FAM217B: variants seen among roughly 807,000 people sequenced by gnomAD.
FAM217B encodes family with sequence similarity 217 member B.
For synonymous variants in FAM217B, 163 were observed against 173.0 expected (o/e 0.94, Z 0.45); for missense variants, 463 against 456.9 (o/e 1.01, Z -0.12).
chr20:59,940,981 G>C (rs1249367509), intron 1 of FAM217B, among the ~76,000 whole-genome samples: 2 of 152,202 alleles, frequency 1.3e-5, no homozygotes, highest in Non-Finnish European at 2.9e-5. Flanking sequence ...ATCAGCCTCT[G>C]GCGCTTGGGG....
At chr20:59,941,041 G>C (rs1198276883) in intron 1 of FAM217B, among the ~76,000 whole-genome samples, 1 of 152,202 alleles carries the variant, frequency 6.6e-6, no homozygotes, top group Admixed American at 6.5e-5. Flanking sequence ...TTCCAAGCAA[G>C]CCAGAAACAC....
At chr20:59,938,959 G>T, upstream of FAM217B, 1 of 1,389,812 alleles carries the variant, frequency 7.2e-7, no homozygotes. Flanking sequence ...AGATAGATGT[G>T]AGAGCCCAGC....
intron 1 of FAM217B, among the ~76,000 whole-genome samples, chr20:59,934,820 C>T (rs1289469538): frequency 6.6e-6 from 1 of 152,072 alleles, no homozygotes; most frequent in East Asian, 1.9e-4. Flanking sequence ...AAAATAAACA[C>T]AAGGTAATAG....
rs749209846 is a variant in FAM217B at position 59,944,447 on chromosome 20, G to A, written c.504G>A (p.Thr168=). 3.7e-6 allele frequency: 6 copies of A among 1,613,840 alleles called. No homozygotes were observed. Among genetic ancestry groups the A allele is most frequent in the East Asian group, 4.5e-5 (2 of 44,858 alleles). The stretch of plus-strand genomic sequence containing the variant: ...TGCTTCTGAACGCAGAGAACAAAAC[G>A]GAAGCCGTGCCCCGAGTGGGAGGAC... ...MALLLNAENK[T]EAVPRVGGLL... Residue 168 remains threonine, a synonymous_variant, in exon 4 of 4, where the codon ACG becomes ACA. Coordinates refer to ENST00000360816, the MANE Select transcript of FAM217B (RefSeq NM_022106.3).
rs1197543600 is a variant in FAM217B at position 59,944,178 on chromosome 20, T to C, written c.235T>C (p.Phe79Leu). 6.2e-6 allele frequency: 10 copies of C among 1,614,006 alleles called. No individual in the cohort carries two copies. Among genetic ancestry groups the C allele is most frequent in the Non-Finnish European group, 8.5e-6 (10 of 1,180,038 alleles). Residue 79 changes from phenylalanine (F) to leucine (L), a missense_variant, in exon 4 of 4, where the codon TTT becomes CTT. Physicochemically the swap from Phe to Leu is conservative, Grantham distance 22. Transcript: ENST00000360816. ...GASGNKLFLD[F>L]QSMKIIKENA... ...CTCAGGGAATAAACTGTTTCTTGAT[T>C]TTCAGTCAATGAAAATTATTAAAGA... is the stretch of plus-strand genomic sequence containing the variant.
Position 59,944,006 on chromosome 20 carries a change from GAGTAAATCCCA to G in FAM217B, c.68_78del (p.Lys23ThrfsTer19). ...CAAAGAATTCTTCAGGAAAAAGGCAGAGTAAATCCCAAGTACCCCACGCTTCTTCCCAGCCG... is the reference window on the plus strand; with the variant it reads ...CAAAGAATTCTTCAGGAAAAAGGCAGAGTACCCCACGCTTCTTCCCAGCCG... On this transcript the variant is annotated frameshift_variant, in exon 4 of 4. Coordinates refer to ENST00000360816, the MANE Select transcript of FAM217B (RefSeq NM_022106.3). LOFTEE classifies it low-confidence loss of function (END_TRUNC). 1 of 1,613,870 alleles carries G rather than the reference GAGTAAATCCCA, an allele frequency of 6.2e-7. No homozygotes were observed. The highest frequency in any genetic ancestry group is 8.5e-7 in the Non-Finnish European group (1 of 1,179,948).
intron 1 of FAM217B, among the ~76,000 whole-genome samples, chr20:59,934,044 C>T (rs1404134984): frequency 6.6e-6 from 1 of 152,094 alleles, no homozygotes; most frequent in Admixed American, 6.5e-5. Context: ...AGGAGAAGCC[C>T]ATCCCCGCGC....
chr20:59,935,418 ATT>A (rs201856421), upstream of FAM217B, among the ~76,000 whole-genome samples: 1 of 152,082 alleles, frequency 6.6e-6, no homozygotes, highest in African/African-American at 2.4e-5. Flanking sequence ...TTTACTGTTA[ATT>A]TTTTTTAAAG....
chr20:59,944,936 G>A lies in FAM217B; in HGVS notation c.993G>A (p.Val331=). 1 of 1,614,206 alleles carries A rather than the reference G, an allele frequency of 6.2e-7. No individual in the cohort carries two copies. The highest frequency in any genetic ancestry group is 8.5e-7 in the Non-Finnish European group (1 of 1,180,044). The change falls in exon 4 of 4, where the codon GTG becomes GTA. Residue 331 remains valine (V), a synonymous_variant. Coordinates refer to ENST00000360816, the MANE Select transcript of FAM217B (RefSeq NM_022106.3). ...TTCGAGTTCCCAAACAGGCAGCTGT[G>A]ATTCTGGACTCAGCAGATTCCTGTA... is the stretch of plus-strand genomic sequence containing the variant. ...GHIRVPKQAA[V]ILDSADSCKA...
At chr20:59,935,181 C>T (rs1156794312) in intron 1 of FAM217B, among the ~76,000 whole-genome samples, 7 of 152,162 alleles carry the variant, frequency 4.6e-5, no homozygotes. Context: ...ATTTTCATAC[C>T]TAGTTTTCCG....
upstream of FAM217B, chr20:59,936,560 C>T (rs887243702): frequency 3.9e-5 from 6 of 152,202 alleles, no homozygotes; most frequent in African/African-American, 1.4e-4. Context: ...TGATCACATT[C>T]CCTGTATTCC....
upstream of FAM217B, chr20:59,940,239 A>T (rs866772292): frequency 4.9e-4 from 123 of 251,416 alleles, no homozygotes; most frequent in African/African-American, 2.7e-3. Context: ...GGAGGTTCTT[A>T]CAAGAAGGCT....
At chr20:59,940,195 C>T, upstream of FAM217B, 1 of 358,512 alleles carries the variant, frequency 2.8e-6, no homozygotes, top group Non-Finnish European at 5.2e-6. Context: ...CCCGGGAGCG[C>T]AGGGTAGCGC....
rs2060896821 is a variant in FAM217B at position 59,940,496 on chromosome 20, C to T, written c.-242C>T. 6.6e-6 allele frequency: 1 copy of T among 152,252 alleles called. No homozygotes were observed. Among genetic ancestry groups the T allele is most frequent in the Admixed American group, 6.5e-5 (1 of 15,286 alleles). 9.4% of individuals were successfully genotyped at this position (152,252 alleles called of 1,614,324 possible). On this transcript the variant is annotated 5_prime_UTR_variant, in exon 1 of 4. Coordinates refer to ENST00000360816, the MANE Select transcript of FAM217B (RefSeq NM_022106.3). ...CGCGGGCGCCGGAGAGGAAGGAAGG[C>T]TGGCAGCCTCGTCACGTGTCCGCTG...
At chr20:59,936,088 A>G (rs958666277), upstream of FAM217B, among the ~76,000 whole-genome samples, 1 of 152,248 alleles carries the variant, frequency 6.6e-6, no homozygotes, top group Non-Finnish European at 1.5e-5. Context: ...TATATAGTAC[A>G]GTCTATTGCT....
rs1287895686 is a variant in FAM217B, at chr20:59,944,455, T to C, written c.512T>C (p.Val171Ala). Residue 171 changes from valine to alanine, a missense_variant, in exon 4 of 4, where the codon GTG becomes GCG. Transcript: ENST00000360816. ...AACGCAGAGAACAAAACGGAAGCCG[T>C]GCCCCGAGTGGGAGGACTTCTTGGG... Reference protein sequence around the residue: ...LLNAENKTEAVPRVGGLLGKY... With the variant: ...LLNAENKTEAAPRVGGLLGKY... 6.2e-7 allele frequency: 1 copy of C among 1,613,744 alleles called. No homozygotes were observed. Among genetic ancestry groups the C allele is most frequent in the South Asian group, 1.1e-5 (1 of 91,056 alleles).
upstream of FAM217B, chr20:59,939,386 G>A (rs2060883762): frequency 3.1e-6 from 5 of 1,610,592 alleles, no homozygotes; most frequent in Admixed American, 3.3e-5. Context: ...CCGAGCAAGT[G>A]ACACGCTCCA....
Position 59,944,878 on chromosome 20 carries a change from G to A in FAM217B, c.935G>A (p.Gly312Glu). 6.2e-7 allele frequency: 1 copy of A among 1,614,192 alleles called. No homozygotes were observed. The highest frequency in any genetic ancestry group is 8.5e-7 in the Non-Finnish European group (1 of 1,180,038). Reference sequence around the variant, plus strand: ...CAGCGCTGGGATCTGTCCGGCAGTGGAAGCAGCTCTAAGGTGGAAACCAGC... The same window carrying A: ...CAGCGCTGGGATCTGTCCGGCAGTGAAAGCAGCTCTAAGGTGGAAACCAGC... ...KLQRWDLSGS[G>E]SSSKVETSGH... is the part of the protein sequence containing the mutation. The change falls in exon 4 of 4, where the codon GGA becomes GAA. Residue 312 changes from glycine to glutamate, a missense_variant. By Grantham distance (98) the Gly-to-Glu change is moderately conservative. Coordinates refer to ENST00000360816, the MANE Select transcript of FAM217B (RefSeq NM_022106.3).
At chr20:59,939,331 C>T (rs766226789), upstream of FAM217B, 3 of 1,611,570 alleles carry the variant, frequency 1.9e-6, no homozygotes, top group Middle Eastern at 1.6e-4. Context: ...ACCTGCTTCT[C>T]GAAGGCCACG....
Sources: allele counts gnomAD v4.1 joint callset (sites outside exome capture counted in the v4.1 genomes callset), GRCh38; gene constraint gnomAD v4.1.1; transcripts MANE v1.5; gene names NCBI Gene and HGNC (gene_info 2026-07-23, HGNC 2026-07-21).